ZNF69: variants seen among roughly 807,000 people sequenced by gnomAD.
ZNF69 encodes the protein zinc finger protein 69, also known as ZNF3.
ZNF69 carries 47 observed loss-of-function variants against 50.9 expected under a neutral mutation model. That is an observed-to-expected ratio of 0.92 (90% CI 0.73 to 1.18). The LOEUF (loss-of-function observed/expected upper bound fraction) is 1.18, where lower values mean the gene tolerates loss of function less well. Ranked by LOEUF, ZNF69 falls within the 50% of genes most tolerant of loss-of-function variation. The pLI is 0.00. For missense variants in ZNF69, 717 were observed against 675.1 expected (o/e 1.06, Z -0.69); for synonymous variants, 216 against 223.1 (o/e 0.97, Z 0.29).
At chr19:11,926,965 A>C in the ZNF69 span, among the ~76,000 whole-genome samples, 1 of 152,300 alleles carries the variant, frequency 6.6e-6, no homozygotes, top group East Asian at 1.9e-4. Flanking sequence ...TTACCAGGAA[A>C]AGAGGTCCTG....
the ZNF69 span, among the ~76,000 whole-genome samples, chr19:11,920,998 G>T: frequency 6.6e-6 from 1 of 152,074 alleles, no homozygotes; most frequent in Non-Finnish European, 1.5e-5. Context: ...TGTGCCTGAG[G>T]CTTGTGCCTG....
chr19:11,907,243 A>T (rs1216416386), downstream of ZNF69, among the ~76,000 whole-genome samples: 1 of 152,204 alleles, frequency 6.6e-6, no homozygotes, highest in Non-Finnish European at 1.5e-5. Context: ...AAGTTGGGAA[A>T]CACTCTTCAG....
At chr19:11,896,250 C>T (rs1972120482) in intron 1 of ZNF69, among the ~76,000 whole-genome samples, 1 of 149,372 alleles carries the variant, frequency 6.7e-6, no homozygotes, top group Non-Finnish European at 1.5e-5. Context: ...AAAAAGATTC[C>T]CTGGTTTCAC....
At chr19:11,917,214 G>A (rs543636592), downstream of ZNF69, among the ~76,000 whole-genome samples, 10 of 152,276 alleles carry the variant, frequency 6.6e-5, no homozygotes, top group South Asian at 1.2e-3. Context: ...GCTTAGTGCT[G>A]GAGAATTGAT....
chr19:11,974,984 A>C, the ZNF69 span, among the ~76,000 whole-genome samples: 8 of 152,190 alleles, frequency 5.3e-5, no homozygotes, highest in African/African-American at 1.4e-4. Context: ...TGTACAGTTG[A>C]GATAGTTGGA....
chr19:11,897,494 G>A (rs1006499884), intron 1 of ZNF69, among the ~76,000 whole-genome samples: 9 of 151,532 alleles, frequency 5.9e-5, no homozygotes, highest in African/African-American at 1.9e-4. Flanking sequence ...AGGATCTGTT[G>A]AGCCTAAGAG....
chr19:11,949,227 T>G, the ZNF69 span: 1 of 1,613,854 alleles, frequency 6.2e-7, no homozygotes, highest in Non-Finnish European at 8.5e-7. Context: ...CCTTCAATCT[T>G]TCCAGTTCCT....
chr19:11,928,731 CAA>C, the ZNF69 span, among the ~76,000 whole-genome samples: 615 of 53,408 alleles, frequency 0.012, 6 homozygotes, highest in Middle Eastern at 0.038. Context: ...GACTCCGTCT[CAA>C]AAAAAAAAAA....
chr19:11,921,372 T>C, the ZNF69 span, among the ~76,000 whole-genome samples: 3 of 151,950 alleles, frequency 2.0e-5, no homozygotes, highest in African/African-American at 7.3e-5. Context: ...TCTCACTATA[T>C]TGCCCAGGCT....
Position 11,903,632 on chromosome 19 carries a change from G to T in ZNF69, c.123G>T (p.Leu41=). 6.2e-7 allele frequency: 1 copy of T among 1,614,090 alleles called. No homozygotes were observed. Among genetic ancestry groups the T allele is most frequent in the East Asian group, 2.2e-5 (1 of 44,882 alleles). Residue 41 remains leucine (L), a synonymous_variant, in exon 2 of 4, where the codon CTG becomes CTT. Transcript: ENST00000429654. The part of the protein sequence containing the change: ...VNFTQEEWAL[L]DISQRKLYKE... The stretch of plus-strand genomic sequence containing the variant: ...TCACCCAGGAGGAGTGGGCTTTGCT[G>T]GATATTTCCCAGAGGAAACTCTACA...
intron 1 of ZNF69, among the ~76,000 whole-genome samples, chr19:11,895,756 G>A (rs1042869941): frequency 6.6e-6 from 1 of 152,206 alleles, no homozygotes; most frequent in Non-Finnish European, 1.5e-5. Flanking sequence ...TAAGAACTCA[G>A]TATAAGAGGC....
chr19:11,967,859 G>A, the ZNF69 span, among the ~76,000 whole-genome samples: 8 of 152,232 alleles, frequency 5.3e-5, no homozygotes, highest in African/African-American at 1.2e-4. Context: ...CTGTGCCTAC[G>A]TGCATGTGGG....
chr19:11,950,354 A>G, the ZNF69 span: 1 of 1,194,484 alleles, frequency 8.4e-7, no homozygotes, highest in Non-Finnish European at 1.2e-6. Flanking sequence ...TCTTTTCGAT[A>G]TCATGAAAGG....
chr19:11,893,095 G>A (rs1301891664), intron 1 of ZNF69, among the ~76,000 whole-genome samples: 3 of 152,196 alleles, frequency 2.0e-5, no homozygotes, highest in Non-Finnish European at 4.4e-5. Flanking sequence ...TTGGCCTCCT[G>A]AAGTGGTGGG....
chr19:11,901,320 G>A (rs971864240), intron 1 of ZNF69, among the ~76,000 whole-genome samples: 1 of 152,118 alleles, frequency 6.6e-6, no homozygotes, highest in Non-Finnish European at 1.5e-5. Context: ...TATGCTGGAG[G>A]TTGCACTTTT....
In ZNF69 at chr19:11,904,892, G is replaced by A. The variant is rs373445277; in HGVS notation, c.495G>A (p.Lys165=). ...AGGAATATGGACCGAAGCCATGTAA[G>A]TGTCAACAACCTAAAAAAGCCTTCA... The part of the protein sequence containing the change: ...EYQEYGPKPC[K]CQQPKKAFRY... Residue 165 remains lysine (K), a synonymous_variant, in exon 4 of 4, where the codon AAG becomes AAA. Transcript: ENST00000429654. 6.2e-6 allele frequency: 10 copies of A among 1,614,058 alleles called. No individual in the cohort carries two copies. The highest frequency in any genetic ancestry group is 2.7e-5 in the African/African-American group (2 of 74,920).
chr19:11,948,995 A>C, the ZNF69 span: 7 of 1,607,684 alleles, frequency 4.4e-6, no homozygotes. Context: ...CTTCGTAGAC[A>C]TGAAAGGACC....
At chr19:11,947,805 A>G in the ZNF69 span, among the ~76,000 whole-genome samples, 1 of 152,222 alleles carries the variant, frequency 6.6e-6, no homozygotes, top group Non-Finnish European at 1.5e-5. Flanking sequence ...CATCAGTTCC[A>G]GAACAGCCTG....
rs559860109 is a variant in ZNF69, at chr19:11,901,346, G to A, written c.64-2227G>A. Among the ~76,000 whole-genome samples, 343 of 152,288 alleles carry A rather than the reference G, an allele frequency of 2.3e-3. 3 individuals carry two copies. The highest frequency in any genetic ancestry group is 7.7e-3 in the African/African-American group (319 of 41,550). On this transcript the variant is annotated intron_variant, in intron 1 of 3. Transcript: ENST00000429654. ...TTGCACTTTTTTGAATTGCCGACGT[G>A]TGAAAAATCAGACTTTGGCCATGAC...
Sources: allele counts gnomAD v4.1 joint callset (sites outside exome capture counted in the v4.1 genomes callset), GRCh38; gene constraint gnomAD v4.1.1; transcripts MANE v1.5; gene names NCBI Gene and HGNC (gene_info 2026-07-23, HGNC 2026-07-21).